The following ELAPOR1 variants were observed in gnomAD, a reference collection of about 807,000 sequenced individuals.
ELAPOR1 encodes the protein endosome/lysosome-associated apoptosis and autophagy regulator 1.
In ELAPOR1, 77 loss-of-function variants were observed where a neutral mutation model predicts 119.7. The ratio of observed to expected loss-of-function variants is 0.64; its 90% CI spans 0.54 to 0.78. ELAPOR1 has a LOEUF of 0.78. ELAPOR1 is among the 30% of genes least tolerant of loss of function. The pLI is 0.00. For missense variants in ELAPOR1, 1,115 were observed against 1,270.4 expected (o/e 0.88, Z 1.86); for synonymous variants, 481 against 487.2 (o/e 0.99, Z 0.17).
chr1:109,170,343 C>T (rs1411513859), intron 3 of ELAPOR1, among the ~76,000 whole-genome samples: 1 of 152,012 alleles, frequency 6.6e-6, no homozygotes, highest in East Asian at 1.9e-4. Flanking sequence ...TTCATTACAC[C>T]ATTGTATAGG....
At chr1:109,202,163 A>G (rs1025739844) in intron 21 of ELAPOR1, among the ~76,000 whole-genome samples, 1 of 152,128 alleles carries the variant, frequency 6.6e-6, no homozygotes, top group Non-Finnish European at 1.5e-5. Context: ...CCCAGGCTGG[A>G]GTGCAGTGGC....
chr1:109,186,404 C>T, intron 8 of ELAPOR1: 1 of 702,250 alleles, frequency 1.4e-6, no homozygotes, highest in African/African-American at 2.0e-5. Flanking sequence ...AAGCATGATG[C>T]TTGGCTCTTA....
chr1:109,153,536 G>A (rs573619214), intron 1 of ELAPOR1, among the ~76,000 whole-genome samples: 30 of 152,346 alleles, frequency 2.0e-4, no homozygotes, highest in African/African-American at 7.2e-4. Flanking sequence ...ATGTGTACAT[G>A]CATGTATAGA....
intron 11 of ELAPOR1, among the ~76,000 whole-genome samples, chr1:109,190,303 T>C (rs889442512): frequency 1.1e-4 from 17 of 152,356 alleles, no homozygotes; most frequent in African/African-American, 3.8e-4. Context: ...CAGTGTGTGA[T>C]TTAAGACTAA....
At chr1:109,192,988 C>T in intron 14 of ELAPOR1, 114 bp downstream of exon 14, 2 of 1,202,344 alleles carry the variant, frequency 1.7e-6, no homozygotes, top group East Asian at 4.7e-5. Context: ...CTCCCCCTAG[C>T]ATACTCCTAG....
chr1:109,178,677 G>T (rs1416041289), intron 7 of ELAPOR1, among the ~76,000 whole-genome samples: 3 of 152,092 alleles, frequency 2.0e-5, no homozygotes, highest in African/African-American at 7.2e-5. Flanking sequence ...GAATGCAGTG[G>T]AGGTGGGCCG....
At chr1:109,135,244 T>A (rs1288570939) in intron 1 of ELAPOR1, among the ~76,000 whole-genome samples, 1 of 149,972 alleles carries the variant, frequency 6.7e-6, no homozygotes, top group Non-Finnish European at 1.5e-5. Flanking sequence ...GAATTCAAAT[T>A]TCTTTTTTTT....
intron 2 of ELAPOR1, among the ~76,000 whole-genome samples, chr1:109,162,981 C>A (rs1225695184): frequency 1.3e-5 from 2 of 152,258 alleles, no homozygotes; most frequent in Non-Finnish European, 2.9e-5. Flanking sequence ...TTCATTCACT[C>A]ATTGTTTCAG....
chr1:109,157,036 G>A (rs1650921173), intron 1 of ELAPOR1, among the ~76,000 whole-genome samples: 2 of 152,274 alleles, frequency 1.3e-5, no homozygotes, highest in Non-Finnish European at 1.5e-5. Flanking sequence ...ATGCCTTTCC[G>A]CCTTCCCATT....
intron 7 of ELAPOR1, among the ~76,000 whole-genome samples, chr1:109,177,320 G>C (rs1652390173): frequency 7.3e-6 from 1 of 136,442 alleles, no homozygotes; most frequent in African/African-American, 3.1e-5. Context: ...GCTGGGCGGA[G>C]GGGCTCCTCA....
intron 5 of ELAPOR1, 41 bp downstream of exon 5, chr1:109,172,609 G>T: frequency 6.7e-7 from 1 of 1,485,298 alleles, no homozygotes; most frequent in Non-Finnish European, 9.4e-7. Flanking sequence ...TCCCAGAAAA[G>T]GGACCCAGGG....
At chr1:109,174,260 T>C (rs1652105443) in intron 7 of ELAPOR1, among the ~76,000 whole-genome samples, 1 of 150,978 alleles carries the variant, frequency 6.6e-6, no homozygotes, top group Non-Finnish European at 1.5e-5. Context: ...CAAGTGATCC[T>C]CCTGCCTCAG....
In ELAPOR1 at chr1:109,173,463, G is replaced by A. The variant is rs751653527; in HGVS notation, c.697-11G>A. On this transcript the variant is annotated splice_polypyrimidine_tract_variant and intron_variant, in intron 5 of 21. Transcript: ENST00000369939. The stretch of plus-strand genomic sequence containing the variant: ...CTGTGATGAATGAATGCTCCTGTTT[G>A]TGGTTTTTAGGTGGAGCTAAATCGA... 5.6e-6 allele frequency: 9 copies of A among 1,609,848 alleles called. No homozygotes were observed. Among genetic ancestry groups the A allele is most frequent in the Admixed American group, 1.7e-5 (1 of 59,802 alleles).
intron 8 of ELAPOR1, among the ~76,000 whole-genome samples, chr1:109,185,512 C>T (rs190203830): frequency 2.6e-5 from 4 of 152,300 alleles, no homozygotes; most frequent in South Asian, 2.1e-4. Flanking sequence ...TGGGCTGGCA[C>T]GGGGAATGGA....
At chr1:109,183,804 A>G (rs1311834642) in intron 7 of ELAPOR1, among the ~76,000 whole-genome samples, 1 of 151,992 alleles carries the variant, frequency 6.6e-6, no homozygotes, top group Non-Finnish European at 1.5e-5. Flanking sequence ...TTTTGTAGAG[A>G]CAGGGTTTGC....
rs1483863236 is a variant in ELAPOR1, at chr1:109,200,816, C to A, written c.2889C>A (p.Ile963=). 35 of 1,614,108 alleles carry A rather than the reference C, an allele frequency of 2.2e-5. No individual in the cohort carries two copies. The highest frequency in any genetic ancestry group is 2.9e-5 in the Non-Finnish European group (34 of 1,180,042). Residue 963 remains isoleucine, a synonymous_variant, in exon 21 of 22, where the codon ATC becomes ATA. Coordinates refer to ENST00000369939, the MANE Select transcript of ELAPOR1 (RefSeq NM_020775.5). ...TGCCAGCAGCTGACAGCTGCGCCAT[C>A]ATGGAAGGCGAGGATGTAGAGGACG... The part of the protein sequence containing the change: ...CDLPAADSCA[I]MEGEDVEDDL...
At chr1:109,123,522 C>G (rs1648578459) in intron 1 of ELAPOR1, among the ~76,000 whole-genome samples, 1 of 152,156 alleles carries the variant, frequency 6.6e-6, no homozygotes, top group African/African-American at 2.4e-5. Flanking sequence ...ATTGCATAGT[C>G]AAGGAAAAGC....
chr1:109,190,340 C>T (rs374748566), intron 11 of ELAPOR1, among the ~76,000 whole-genome samples: 69 of 152,310 alleles, frequency 4.5e-4, no homozygotes, highest in Admixed American at 3.7e-3. Flanking sequence ...TTTTCCAGCC[C>T]GCTGGTTAAC....
In ELAPOR1 at chr1:109,172,011, T is replaced by C. The variant is rs370573921; in HGVS notation, c.613T>C (p.Phe205Leu). The change falls in exon 4 of 22, where the codon TTC (phenylalanine) becomes CTC (leucine). Residue 205 changes from phenylalanine to leucine, a missense_variant and splice_region_variant. Coordinates refer to ENST00000369939, the MANE Select transcript of ELAPOR1 (RefSeq NM_020775.5). Reference protein sequence around the residue: ...YPDSSIIFEFFVQNDQCQPNA... With the variant: ...YPDSSIIFEFLVQNDQCQPNA... ...AGACTCCAGCATCATCTTTGAGTTTTTCGTAAGCCCCTGGCCAAGGTGGAG... is the reference window on the plus strand; with the variant it reads ...AGACTCCAGCATCATCTTTGAGTTTCTCGTAAGCCCCTGGCCAAGGTGGAG... 6.2e-7 allele frequency: 1 copy of C among 1,614,200 alleles called. No individual in the cohort carries two copies. The highest frequency in any genetic ancestry group is 8.5e-7 in the Non-Finnish European group (1 of 1,180,036).
Sources: gnomAD v4.1 joint callset for allele counts (sites outside exome capture counted in the v4.1 genomes callset) on GRCh38, gnomAD v4.1.1 for gene constraint, MANE v1.5 for transcripts, NCBI Gene and HGNC (gene_info 2026-07-23, HGNC 2026-07-21) for gene names.